The following NTM variants were observed in gnomAD, a reference collection of about 807,000 sequenced individuals.
NTM encodes the protein IgLON family member 2.
NTM carries 13 observed loss-of-function variants against 42.1 expected under a neutral mutation model. The observed-to-expected ratio is 0.31, with a 90% CI of 0.20 to 0.49. NTM has a LOEUF of 0.49. Ranked by LOEUF, NTM falls within the 20% of genes least tolerant of loss-of-function variation. NTM has a pLI of 0.99. For synonymous variants in NTM, 187 were observed against 179.2 expected (o/e 1.04, Z -0.35); for missense variants, 373 against 452.8 (o/e 0.82, Z 1.60).
intron 3 of NTM, among the ~76,000 whole-genome samples, chr11:132,170,689 G>T (rs943346822): frequency 1.3e-5 from 2 of 152,134 alleles, no homozygotes; most frequent in Non-Finnish European, 2.9e-5. Context: ...CATTTATAAA[G>T]AACTTGAATA....
intron 1 of NTM, among the ~76,000 whole-genome samples, chr11:131,856,750 A>G (rs915690049): frequency 1.3e-5 from 2 of 152,220 alleles, no homozygotes; most frequent in Admixed American, 1.3e-4. Context: ...TGAAAATTTT[A>G]AAATATGCCT....
At chr11:131,947,712 C>T (rs191387051) in intron 2 of NTM, among the ~76,000 whole-genome samples, 46 of 152,232 alleles carry the variant, frequency 3.0e-4, no homozygotes, top group Non-Finnish European at 3.5e-4. Context: ...CAGTCAGTTA[C>T]GTATATGGGG....
At position 132,314,553 on chromosome 11, in the gene NTM, C is replaced by CTGA. The variant is rs2095373038; in HGVS notation, c.786_788dup (p.Leu262_Ile263insMet). 2 of 1,610,562 alleles carry CTGA rather than the reference C, an allele frequency of 1.2e-6. No homozygotes were observed. Among genetic ancestry groups the CTGA allele is most frequent in the Non-Finnish European group, 1.7e-6 (2 of 1,178,564 alleles). On this transcript the variant is annotated inframe_insertion and splice_region_variant, in exon 7 of 9. Transcript: ENST00000683400. ...TTTTTTGTCTTTTGTTTCTCTCAGACTGATTGAAGGAAAGAAAGGGGTGAA... is the reference window on the plus strand; with the variant it reads ...TTTTTTGTCTTTTGTTTCTCTCAGACTGATGATTGAAGGAAAGAAAGGGGTGAA...
chr11:131,373,637 C>A (rs1941530400), intron 1 of NTM, among the ~76,000 whole-genome samples: 1 of 151,960 alleles, frequency 6.6e-6, no homozygotes, highest in Admixed American at 6.6e-5. Context: ...AGGCGCTGTC[C>A]CTTGCAGAAC....
At chr11:132,306,803 G>A (rs2095101879) in intron 4 of NTM, among the ~76,000 whole-genome samples, 3 of 152,264 alleles carry the variant, frequency 2.0e-5, no homozygotes, top group East Asian at 3.9e-4. Flanking sequence ...TTGTCTTTTG[G>A]CAAGGAAGCG....
chr11:132,211,118 G>A (rs982976903), intron 3 of NTM, among the ~76,000 whole-genome samples: 20 of 152,086 alleles, frequency 1.3e-4, no homozygotes, highest in African/African-American at 4.6e-4. Flanking sequence ...AACAAAGAAA[G>A]TGGCATTTGC....
chr11:131,951,805 G>A (rs2061014958), intron 2 of NTM, among the ~76,000 whole-genome samples: 3 of 116,590 alleles, frequency 2.6e-5, no homozygotes. Context: ...CTGGGTGACA[G>A]AGCAAGACTC....
In NTM at chr11:132,146,190, A is replaced by G. The variant is rs1271083527; in HGVS notation, c.168-92A>G. ...GTATGTGTTGGGGGAAGGGAGAAAG[A>G]CAAGATATTCTAGCCTTGCCATGAG... On this transcript the variant is annotated intron_variant, in intron 2 of 8. Transcript: ENST00000683400. The surrounding 1 kb of genome is among the most constrained non-coding windows in gnomAD (Gnocchi z 4.5). The G allele has an allele frequency of 6.6e-7, 1 of 1,524,864 alleles. No homozygotes were observed. The highest frequency in any genetic ancestry group is 2.0e-5 in the Admixed American group (1 of 49,872). 94.5% of individuals were successfully genotyped at this position (1,524,864 alleles called of 1,614,324 possible). A position where few individuals can be genotyped will look rare whatever the true frequency, so the allele number is the denominator to read the frequency against.
intron 4 of NTM, among the ~76,000 whole-genome samples, chr11:132,263,249 G>T (rs1451157144): frequency 6.6e-6 from 1 of 152,200 alleles, no homozygotes; most frequent in Non-Finnish European, 1.5e-5. Context: ...AAACTGAGGT[G>T]GTGCTCCCCT....
rs191762026 is a variant in NTM at position 131,790,659 on chromosome 11, C to T, written c.83-120905C>T. On this transcript the variant is annotated intron_variant, in intron 1 of 8. Transcript: ENST00000683400. ...TCCTCACAGACTGTTGTGGTATAGG[C>T]TTGCCTTAAGATTCCCCACTTTCTG... Among the ~76,000 whole-genome samples, 165 of 152,286 alleles carry T rather than the reference C, an allele frequency of 1.1e-3. 1 individual carries two copies. The highest frequency in any genetic ancestry group is 8.6e-3 in the Admixed American group (132 of 15,296).
intron 4 of NTM, among the ~76,000 whole-genome samples, chr11:132,295,117 C>T: frequency 6.6e-6 from 1 of 152,066 alleles, no homozygotes; most frequent in East Asian, 1.9e-4. Context: ...CCCTCTCTCT[C>T]TCTCTCTGTC....
intron 4 of NTM, among the ~76,000 whole-genome samples, chr11:132,229,674 T>G (rs574159632): frequency 6.6e-6 from 1 of 152,304 alleles, no homozygotes; most frequent in Admixed American, 6.5e-5. Flanking sequence ...TCTGAATTCA[T>G]GACAATCTGT....
chr11:132,044,062 GTGTGTA>G (rs1352653625), intron 2 of NTM, among the ~76,000 whole-genome samples: 8 of 99,438 alleles, frequency 8.0e-5, no homozygotes, highest in East Asian at 4.2e-4. Context: ...GTGTGTATGT[GTGTGTA>G]TGTGTATGTG....
chr11:132,102,700 C>T (rs2061771796), intron 2 of NTM, among the ~76,000 whole-genome samples: 1 of 152,152 alleles, frequency 6.6e-6, no homozygotes, highest in Non-Finnish European at 1.5e-5. Flanking sequence ...TCCCTCTGCC[C>T]CACTTTGTAG....
intron 2 of NTM, among the ~76,000 whole-genome samples, chr11:131,993,312 A>G (rs539328033): frequency 1.3e-5 from 2 of 152,218 alleles, no homozygotes; most frequent in East Asian, 1.9e-4. Flanking sequence ...GGCTATCGGG[A>G]AGGTGGAGTA....
At chr11:131,377,878 A>G (rs1163812612) in intron 1 of NTM, among the ~76,000 whole-genome samples, 1 of 152,300 alleles carries the variant, frequency 6.6e-6, no homozygotes, top group East Asian at 1.9e-4. Flanking sequence ...TTTCTCATGA[A>G]CAAGAACAGG....
chr11:131,867,236 C>CCTAAACGCAGGGTTT (rs2047310463), intron 1 of NTM, among the ~76,000 whole-genome samples: 1 of 152,192 alleles, frequency 6.6e-6, no homozygotes, highest in Non-Finnish European at 1.5e-5. Flanking sequence ...TGCCAGAGAG[C>CCTAAACGCAGGGTTT]AGGTCTCAGG....
intron 1 of NTM, among the ~76,000 whole-genome samples, chr11:131,802,254 A>T (rs1236091389): frequency 6.6e-6 from 1 of 152,186 alleles, no homozygotes; most frequent in Non-Finnish European, 1.5e-5. Context: ...TCCCATTTAG[A>T]ATTAATTCAG....
chr11:131,733,872 T>A (rs1237083711), intron 1 of NTM, among the ~76,000 whole-genome samples: 3 of 152,214 alleles, frequency 2.0e-5, no homozygotes, highest in African/African-American at 4.8e-5. Flanking sequence ...TAATAATCTA[T>A]CATATGGATA....
Sources: allele counts gnomAD v4.1 joint callset (sites outside exome capture counted in the v4.1 genomes callset), GRCh38; gene constraint gnomAD v4.1.1; non-coding constraint Gnocchi (gnomAD v3.1); transcripts MANE v1.5; gene names NCBI Gene and HGNC (gene_info 2026-07-23, HGNC 2026-07-21).